The following SUSD4 variants were observed in gnomAD, a reference collection of about 807,000 sequenced individuals.
SUSD4 encodes sushi domain-containing protein 4.
A neutral mutation model predicts 50.5 loss-of-function variants in SUSD4; 41 were observed. The ratio of observed to expected loss-of-function variants is 0.81; its 90% CI spans 0.63 to 1.05. The LOEUF is 1.05. SUSD4 is among the 50% of genes least tolerant of loss of function. The pLI is 0.00. For synonymous variants in SUSD4, 257 were observed against 257.3 expected, an observed-to-expected ratio of 1.00 and a Z score of 0.01; for missense variants, 580 against 634.7, an observed-to-expected ratio of 0.91 and a Z score of 0.93.
rs1236156418 is a variant in SUSD4, at chr1:223,223,641, G to A, written c.1062-10C>T. ...ACTCCGGGGAGGCCCCCTGTGTAAAGGAAAGAAGTGCCAACATGTGAGAGC... is the reference window on the plus strand; with the variant it reads ...ACTCCGGGGAGGCCCCCTGTGTAAAAGAAAGAAGTGCCAACATGTGAGAGC... On this transcript the variant is annotated splice_polypyrimidine_tract_variant and intron_variant, in intron 7 of 8. Transcript: ENST00000366878. 1 of 1,588,376 alleles carries A rather than the reference G, an allele frequency of 6.3e-7. No individual in the cohort carries two copies. The highest frequency in any genetic ancestry group is 1.7e-5 in the Admixed American group (1 of 58,686).
chr1:223,325,410 A>T (rs1023777096), intron 2 of SUSD4, among the ~76,000 whole-genome samples: 3 of 152,278 alleles, frequency 2.0e-5, no homozygotes, highest in South Asian at 4.1e-4. Context: ...AAAATTCATA[A>T]TTCATATCAA....
chr1:223,223,133 A>G (rs1277748516), intron 8 of SUSD4, 116 bp downstream of exon 8: 2 of 1,403,478 alleles, frequency 1.4e-6, no homozygotes, highest in Non-Finnish European at 1.9e-6. Flanking sequence ...TGAGAGGTAA[A>G]CAGATTGATT....
At chr1:223,287,079 G>A (rs941242322) in intron 3 of SUSD4, among the ~76,000 whole-genome samples, 1 of 152,146 alleles carries the variant, frequency 6.6e-6, no homozygotes, top group Non-Finnish European at 1.5e-5. Context: ...AGCTTTGTTT[G>A]TTTGCTTTTG....
intron 5 of SUSD4, among the ~76,000 whole-genome samples, chr1:223,251,539 A>G (rs1661306849): frequency 6.6e-6 from 1 of 152,170 alleles, no homozygotes; most frequent in Admixed American, 6.5e-5. Flanking sequence ...AAACATATCA[A>G]CTTGTGTCCT....
At chr1:223,292,371 C>T in intron 3 of SUSD4, 68 bp downstream of exon 3, 1 of 1,555,542 alleles carries the variant, frequency 6.4e-7, no homozygotes, top group African/African-American at 1.4e-5. Context: ...TGTCACACAG[C>T]CCTGCACCCC....
chr1:223,348,213 A>G (rs769734468), intron 2 of SUSD4, among the ~76,000 whole-genome samples: 17 of 152,260 alleles, frequency 1.1e-4, no homozygotes, highest in Non-Finnish European at 2.4e-4. Context: ...TGTCATAACA[A>G]CATGCTGAAT....
In SUSD4 at chr1:223,254,213, G is replaced by A. The variant is rs535546317; in HGVS notation, c.724+10417C>T. 8.5e-5 allele frequency among the ~76,000 whole-genome samples: 13 copies of A among 152,282 alleles called. No individual in the cohort carries two copies. The South Asian group carries it at 2.5e-3, about 29-fold the overall frequency. On this transcript the variant is annotated intron_variant, in intron 5 of 8. Coordinates refer to ENST00000366878, the MANE Select transcript of SUSD4 (RefSeq NM_017982.4). ...ATCCCATCTCTGAATGGTGGGGAGA[G>A]GGGATTATCTGAGTCCTCCCTTGGG...
At chr1:223,225,265 G>T (rs1007964254) in intron 7 of SUSD4, among the ~76,000 whole-genome samples, 5 of 152,162 alleles carry the variant, frequency 3.3e-5, no homozygotes, top group African/African-American at 1.2e-4. Context: ...TGGGTGGGCA[G>T]ACCCTGAATC....
At chr1:223,364,375 G>T (rs1057330497), upstream of SUSD4, among the ~76,000 whole-genome samples, 2 of 147,778 alleles carry the variant, frequency 1.4e-5, no homozygotes, top group East Asian at 2.0e-4. The surrounding 1 kb of genome is among the most constrained non-coding windows in gnomAD (Gnocchi z 4.5). Flanking sequence ...TGAGTGGGGG[G>T]GCGGGGACGG....
intron 5 of SUSD4, among the ~76,000 whole-genome samples, chr1:223,258,830 G>C (rs1025176798): frequency 6.6e-6 from 1 of 151,954 alleles, no homozygotes; most frequent in Non-Finnish European, 1.5e-5. Context: ...CTGAAAACCC[G>C]GCTGCCTTCT....
At chr1:223,268,734 A>G in intron 3 of SUSD4, 59 bp from the exon 4 acceptor site, 1 of 1,537,136 alleles carries the variant, frequency 6.5e-7, no homozygotes, top group Non-Finnish European at 8.8e-7. Flanking sequence ...TGTGGTTCAC[A>G]GCTTCACGAG....
At chr1:223,328,138 CT>C (rs1336911209) in intron 2 of SUSD4, among the ~76,000 whole-genome samples, 1 of 151,884 alleles carries the variant, frequency 6.6e-6, no homozygotes, top group Non-Finnish European at 1.5e-5. Flanking sequence ...CATCTTTCAA[CT>C]CTGTTATTAG....
At chr1:223,285,941 C>T (rs1339831526) in intron 3 of SUSD4, among the ~76,000 whole-genome samples, 2 of 152,114 alleles carry the variant, frequency 1.3e-5, no homozygotes, top group African/African-American at 4.8e-5. Context: ...CCAAGACACC[C>T]AGTTTATCTA....
At chr1:223,325,944 C>G (rs1666850784) in intron 2 of SUSD4, among the ~76,000 whole-genome samples, 2 of 152,162 alleles carry the variant, frequency 1.3e-5, no homozygotes, top group African/African-American at 2.4e-5. Flanking sequence ...GACTACACTG[C>G]CCAAAGCAAT....
Position 223,227,717 on chromosome 1 carries a change from T to C in SUSD4, c.938A>G (p.His313Arg), listed in dbSNP as rs1659610790. 3 of 1,612,842 alleles carry C rather than the reference T, an allele frequency of 1.9e-6. No individual in the cohort carries two copies. The highest frequency in any genetic ancestry group is 2.5e-6 in the Non-Finnish European group (3 of 1,179,534). The change falls in exon 7 of 9, where the codon CAT becomes CGT. Residue 313 changes from histidine (H) to arginine (R), a missense_variant. Transcript: ENST00000366878. The surrounding 1 kb of genome is among the most constrained non-coding windows in gnomAD (Gnocchi z 4.5). ...IKSEQTWPST[H>R]ETLLTTWKIV... Reference sequence around the variant, plus strand: ...CTTCCACGTGGTCAGGAGGGTCTCATGGGTGCTGGGCCACGTTTGCTCTGC... The same window carrying C: ...CTTCCACGTGGTCAGGAGGGTCTCACGGGTGCTGGGCCACGTTTGCTCTGC...
chr1:223,287,366 C>T (rs1664214368), intron 3 of SUSD4, among the ~76,000 whole-genome samples: 1 of 152,282 alleles, frequency 6.6e-6, no homozygotes, highest in African/African-American at 2.4e-5. Flanking sequence ...CGTGAGCCAC[C>T]GCACCCAGCC....
At chr1:223,352,857 C>T (rs186229745) in intron 2 of SUSD4, among the ~76,000 whole-genome samples, 7 of 152,190 alleles carry the variant, frequency 4.6e-5, no homozygotes, top group East Asian at 1.9e-4. Context: ...TCACCATGCC[C>T]GCACACCTCC....
chr1:223,328,948 T>C (rs1403558289), intron 2 of SUSD4, among the ~76,000 whole-genome samples: 4 of 152,178 alleles, frequency 2.6e-5, no homozygotes, highest in Non-Finnish European at 5.9e-5. Flanking sequence ...TCCACAAGAC[T>C]TCCAAATCTC....
At chr1:223,358,125 G>T (rs1467025370) in intron 2 of SUSD4, among the ~76,000 whole-genome samples, 1 of 152,180 alleles carries the variant, frequency 6.6e-6, no homozygotes, top group African/African-American at 2.4e-5. Flanking sequence ...ATAATTTTAT[G>T]CATGCTTTTT....
Sources: allele counts gnomAD v4.1 joint callset (sites outside exome capture counted in the v4.1 genomes callset), GRCh38; gene constraint gnomAD v4.1.1; non-coding constraint Gnocchi (gnomAD v3.1); transcripts MANE v1.5; gene names NCBI Gene and HGNC (gene_info 2026-07-23, HGNC 2026-07-21).